Variants in EML4 observed in about 807,000 individuals in gnomAD.
The protein encoded by EML4 is EMAP like 4.
In EML4, 72 loss-of-function variants were observed where a neutral mutation model predicts 129.0. That is an observed-to-expected ratio of 0.56 (90% CI 0.46 to 0.68). The LOEUF is 0.68. EML4 is among the 30% of genes least tolerant of loss of function. The pLI, the probability that EML4 is intolerant of heterozygous loss-of-function variation, is 0.00. For missense variants in EML4, 1,363 were observed against 1,190.6 expected (o/e 1.14, Z -2.13); for synonymous variants, 532 against 405.0 (o/e 1.31, Z -3.77).
At chr2:42,264,624 C>G in intron 5 of EML4, 82 bp from the exon 6 acceptor site, 1 of 811,468 alleles carries the variant, frequency 1.2e-6, no homozygotes, top group Non-Finnish European at 2.0e-6. Context: ...AGCATTAAAA[C>G]TTTTACAGTT....
At chr2:42,315,306 A>G (rs1011250678) in intron 17 of EML4, among the ~76,000 whole-genome samples, 2 of 152,022 alleles carry the variant, frequency 1.3e-5, no homozygotes, top group African/African-American at 4.8e-5. Flanking sequence ...GCATTTCTTC[A>G]TTCTTTGTTT....
chr2:42,295,619 T>C (rs1667903552), intron 13 of EML4, 103 bp downstream of exon 13: 2 of 896,532 alleles, frequency 2.2e-6, no homozygotes, highest in Admixed American at 6.1e-5. Context: ...TGTAACAATA[T>C]GAGCAAGTCA....
intron 1 of EML4, among the ~76,000 whole-genome samples, chr2:42,191,995 C>T (rs1166012036): frequency 2.0e-5 from 3 of 151,842 alleles, no homozygotes; most frequent in Admixed American, 2.0e-4. Context: ...CAAAATTAAC[C>T]AGGCATGGTG....
intron 11 of EML4, chr2:42,289,220 A>T (rs747414502): frequency 2.0e-5 from 3 of 152,216 alleles, no homozygotes; most frequent in Non-Finnish European, 4.4e-5. Context: ...GTAATTTAAC[A>T]TTGAAACATA....
At chr2:42,255,652 A>C (rs1343232035) in intron 2 of EML4, among the ~76,000 whole-genome samples, 1 of 152,182 alleles carries the variant, frequency 6.6e-6, no homozygotes, top group African/African-American at 2.4e-5. Flanking sequence ...GTAAAAAAAA[A>C]ATTTCTTAAG....
At chr2:42,205,091 A>T (rs986062149) in intron 1 of EML4, among the ~76,000 whole-genome samples, 1 of 152,226 alleles carries the variant, frequency 6.6e-6, no homozygotes, top group African/African-American at 2.4e-5. Context: ...AGGTAATTTG[A>T]TTCTTTTATT....
intron 6 of EML4, among the ~76,000 whole-genome samples, chr2:42,278,839 G>A (rs1666812756): frequency 1.3e-5 from 2 of 152,092 alleles, no homozygotes; most frequent in African/African-American, 4.8e-5. Context: ...GGGAGGCTGA[G>A]GCAGGAGAAT....
intron 11 of EML4, among the ~76,000 whole-genome samples, chr2:42,293,970 G>A (rs1667805554): frequency 6.6e-6 from 1 of 152,200 alleles, no homozygotes; most frequent in Non-Finnish European, 1.5e-5. Flanking sequence ...AAGTTAAAAA[G>A]TAGACATTAA....
chr2:42,239,700 A>G (rs1273334584), intron 1 of EML4, among the ~76,000 whole-genome samples: 1 of 149,940 alleles, frequency 6.7e-6, no homozygotes, highest in African/African-American at 2.4e-5. Context: ...CCAGGGGGCA[A>G]TTAGAAAAAA....
chr2:42,221,665 G>A (rs144041399), intron 1 of EML4, among the ~76,000 whole-genome samples: 3 of 151,972 alleles, frequency 2.0e-5, no homozygotes, highest in Non-Finnish European at 4.4e-5. Flanking sequence ...ATGCAGTGGC[G>A]TGATCTCGGC....
At chr2:42,251,252 A>G (rs985398177) in intron 2 of EML4, among the ~76,000 whole-genome samples, 1 of 152,220 alleles carries the variant, frequency 6.6e-6, no homozygotes, top group Admixed American at 6.5e-5. Flanking sequence ...ATATCTAACA[A>G]ACCTAAACAT....
At chr2:42,190,340 G>A (rs1339241591) in intron 1 of EML4, among the ~76,000 whole-genome samples, 2 of 152,134 alleles carry the variant, frequency 1.3e-5, no homozygotes, top group East Asian at 1.9e-4. Flanking sequence ...GAAAGATAAT[G>A]GTGACTAGAG....
intron 1 of EML4, among the ~76,000 whole-genome samples, chr2:42,207,426 A>G (rs1672626721): frequency 1.3e-5 from 2 of 152,104 alleles, no homozygotes; most frequent in Admixed American, 6.5e-5. Flanking sequence ...AGGACCTTAT[A>G]CCTTTTCACT....
intron 2 of EML4, among the ~76,000 whole-genome samples, chr2:42,254,621 T>G (rs1402513859): frequency 6.6e-6 from 1 of 151,646 alleles, no homozygotes; most frequent in Non-Finnish European, 1.5e-5. Flanking sequence ...TCTTGAGTTT[T>G]TTTTTTTTTT....
intron 1 of EML4, among the ~76,000 whole-genome samples, chr2:42,210,859 G>C (rs1363765958): frequency 6.6e-6 from 1 of 152,078 alleles, no homozygotes. Flanking sequence ...AGTTTTTAGA[G>C]ATTTATTTTA....
chr2:42,235,638 CTA>C (rs1220290315), intron 1 of EML4, among the ~76,000 whole-genome samples: 1 of 152,162 alleles, frequency 6.6e-6, no homozygotes, highest in African/African-American at 2.4e-5. Flanking sequence ...AGATCAGAGA[CTA>C]TTTCAAATTT....
At chr2:42,225,105 G>C (rs573519961) in intron 1 of EML4, among the ~76,000 whole-genome samples, 5 of 152,196 alleles carry the variant, frequency 3.3e-5, no homozygotes, top group African/African-American at 1.2e-4. Context: ...TTTTAAGGCT[G>C]AATAATATTC....
At chr2:42,173,974 C>G (rs1670426507) in intron 1 of EML4, among the ~76,000 whole-genome samples, 1 of 152,228 alleles carries the variant, frequency 6.6e-6, no homozygotes, top group South Asian at 2.1e-4. Context: ...CAAGTAACTT[C>G]TGAGAGAACA....
chr2:42,295,841 A>G (rs1667916843), intron 13 of EML4, among the ~76,000 whole-genome samples: 1 of 152,220 alleles, frequency 6.6e-6, no homozygotes, highest in African/African-American at 2.4e-5. Context: ...GATATCTGTT[A>G]GAGCAGAATG....
Sources: allele counts gnomAD v4.1 joint callset (sites outside exome capture counted in the v4.1 genomes callset), GRCh38; gene constraint gnomAD v4.1.1; transcripts MANE v1.5; gene names NCBI Gene and HGNC (gene_info 2026-07-23, HGNC 2026-07-21).